KDM5D: variants seen among roughly 807,000 people sequenced by gnomAD.
KDM5D encodes lysine-specific demethylase 5D.
In KDM5D, 25 loss-of-function variants were observed where a neutral mutation model predicts 31.9. The ratio of observed to expected loss-of-function variants is 0.78; its 90% CI spans 0.57 to 1.09. The LOEUF (loss-of-function observed/expected upper bound fraction) is 1.09. Ranked by LOEUF, KDM5D falls within the 50% of genes least tolerant of loss-of-function variation. The probability of loss-of-function intolerance (pLI) is 0.00; values close to 1 mark genes in which losing one functional copy is unlikely to be tolerated. For missense variants in KDM5D, 366 were observed against 341.6 expected, an observed-to-expected ratio of 1.07 and a Z score of -0.56; for synonymous variants, 146 against 122.3, an observed-to-expected ratio of 1.19 and a Z score of -1.28.
intron 13 of KDM5D, among the ~76,000 whole-genome samples, chrY:19,719,632 T>A (rs2045378675): frequency 3.0e-5 from 1 of 33,133 alleles, no homozygotes; most frequent in Non-Finnish European, 7.4e-5. Context: ...GCAGAACAGT[T>A]GAAGCAAAAA....
chrY:19,735,089 A>C (rs2045498159), intron 8 of KDM5D, among the ~76,000 whole-genome samples: 3 of 33,049 alleles, frequency 9.1e-5, no homozygotes, highest in Non-Finnish European at 2.2e-4. Context: ...AAGCTGTAAA[A>C]GTTCAGAAAA....
chrY:19,726,803 G>C (rs970511586), intron 11 of KDM5D, among the ~76,000 whole-genome samples: 9 of 33,110 alleles, frequency 2.7e-4, no homozygotes. Context: ...CATGTGTTCA[G>C]TATGTTTTAT....
intron 18 of KDM5D, among the ~76,000 whole-genome samples, chrY:19,713,150 T>C (rs775616380): frequency 2.9e-5 from 1 of 33,919 alleles, no homozygotes; most frequent in South Asian, 6.5e-4. Flanking sequence ...CCCTGCCATG[T>C]ACCTTATACA....
At chrY:19,719,616 A>C in intron 13 of KDM5D, among the ~76,000 whole-genome samples, 1 of 33,547 alleles carries the variant, frequency 3.0e-5, no homozygotes, top group Non-Finnish European at 7.3e-5. Context: ...AAAGAGAAGG[A>C]AAAAGGCAGA....
At chrY:19,743,582 A>C in intron 2 of KDM5D, among the ~76,000 whole-genome samples, 8 of 32,779 alleles carry the variant, frequency 2.4e-4, no homozygotes, top group Non-Finnish European at 5.2e-4. Flanking sequence ...CCTTACTAAA[A>C]TGAAGATAAA....
Position 19,707,642 on chromosome Y carries a change from G to A in KDM5D, c.3504C>T (p.Ala1168=). Residue 1168 remains alanine (A), a synonymous_variant, in exon 24 of 27, where the codon GCC becomes GCT. Transcript: ENST00000317961. ...ACACACAGATAGAAGTCGGAGAAGAGGCCATGAGGGATGGTGCCAGTGGAC... is the reference window on the plus strand; with the variant it reads ...ACACACAGATAGAAGTCGGAGAAGAAGCCATGAGGGATGGTGCCAGTGGAC... The part of the protein sequence containing the change: ...KPSPLAPSLM[A]SSPTSICVCG... The A allele has an allele frequency of 2.5e-6, 1 of 397,548 alleles. No individual in the cohort carries two copies. Among genetic ancestry groups the A allele is most frequent in the Non-Finnish European group, 3.5e-6 (1 of 282,899 alleles).
chrY:19,743,817 G>A (rs2045577298), intron 2 of KDM5D, among the ~76,000 whole-genome samples: 1 of 34,050 alleles, frequency 2.9e-5, no homozygotes, highest in African/African-American at 1.1e-4. Context: ...GACAGCCCAG[G>A]CTTATTTCAG....
Position 19,708,243 on chromosome Y carries a change from C to T in KDM5D, c.3261+1G>A. 2.5e-6 allele frequency: 1 copy of T among 395,855 alleles called. No individual in the cohort carries two copies. Among genetic ancestry groups the T allele is most frequent in the Non-Finnish European group, 3.6e-6 (1 of 281,585 alleles). On this transcript the variant is annotated splice_donor_variant, in intron 22 of 26. Coordinates refer to ENST00000317961, the MANE Select transcript of KDM5D (RefSeq NM_004653.5). LOFTEE classifies it high-confidence loss of function. ...CTGTGGGTCAGGGTCTCAGACCTCA[C>T]CTCAAGCAGTGTGTAGCAAGAATTC...
intron 11 of KDM5D, among the ~76,000 whole-genome samples, chrY:19,726,139 C>A: frequency 1.8e-4 from 6 of 33,333 alleles, no homozygotes. Context: ...GACAATGTGG[C>A]GATTCCTCAA....
chrY:19,703,897 T>A lies in KDM5D; in HGVS notation c.*2098A>T. On this transcript the variant is annotated 3_prime_UTR_variant, in exon 27 of 27. Transcript: ENST00000317961. ...TGGTAAAGTTTTATTACAATTTTTT[T>A]AAACCAAGATTCAATTTTTTTCTGA... 2.9e-5 allele frequency: 1 copy of A among 34,378 alleles called. No individual in the cohort carries two copies. Among genetic ancestry groups the A allele is most frequent in the African/African-American group, 1.1e-4 (1 of 8,847 alleles). 8.6% of individuals were successfully genotyped at this position (34,378 alleles called of 400,897 possible). A position where few individuals can be genotyped will look rare whatever the true frequency, so the allele number is the denominator to read the frequency against.
Position 19,735,759 on chromosome Y carries a change from A to G in KDM5D, c.658-9T>C, listed in dbSNP as rs749449470. ...TCCTCTGTAGGCTCTGGCTGTTTTA[A>G]AAAAGATTCAAACAACGAAGTTAGC... On this transcript the variant is annotated splice_polypyrimidine_tract_variant and intron_variant, in intron 6 of 26. Coordinates refer to ENST00000317961, the MANE Select transcript of KDM5D (RefSeq NM_004653.5). The G allele has an allele frequency of 5.6e-6, 2 of 360,130 alleles. No homozygotes were observed. Among genetic ancestry groups the G allele is most frequent in the Non-Finnish European group, 4.0e-6 (1 of 248,483 alleles). 89.8% of individuals were successfully genotyped at this position (360,130 alleles called of 400,897 possible).
At chrY:19,734,048 T>C (rs781269425) in intron 8 of KDM5D, among the ~76,000 whole-genome samples, 3 of 33,418 alleles carry the variant, frequency 9.0e-5, no homozygotes. Context: ...AACAAAACTG[T>C]CAATTCTAAG....
intron 11 of KDM5D, among the ~76,000 whole-genome samples, chrY:19,727,936 T>TA (rs2045445264): frequency 3.6e-4 from 11 of 30,779 alleles, no homozygotes; most frequent in Non-Finnish European, 4.8e-4. Context: ...GCAAAAGAAT[T>TA]AAAAAAAAAT....
In KDM5D at chrY:19,704,349, T is replaced by C; in HGVS notation, c.*1646A>G. On this transcript the variant is annotated 3_prime_UTR_variant, in exon 27 of 27. Transcript: ENST00000317961. ...TTTATGGAAGAGGAGAAAAAAGAAATTTCGAAGACAATTCTCAGATTTAGA... is the reference window on the plus strand; with the variant it reads ...TTTATGGAAGAGGAGAAAAAAGAAACTTCGAAGACAATTCTCAGATTTAGA... 1 of 33,506 alleles carries C rather than the reference T, an allele frequency of 3.0e-5. No individual in the cohort carries two copies. Among genetic ancestry groups the C allele is most frequent in the Non-Finnish European group, 7.4e-5 (1 of 13,548 alleles). The allele number at this position is 33,506 out of a possible 400,897, so 8.4% of individuals were successfully genotyped here.
intron 11 of KDM5D, among the ~76,000 whole-genome samples, chrY:19,730,933 G>A (rs2045468680): frequency 3.0e-5 from 1 of 33,049 alleles, no homozygotes; most frequent in African/African-American, 1.2e-4. Flanking sequence ...ATAAAATAGC[G>A]CTTATCCAGA....
chrY:19,730,059 G>A (rs2045462031), intron 11 of KDM5D, among the ~76,000 whole-genome samples: 1 of 33,207 alleles, frequency 3.0e-5, no homozygotes, highest in Non-Finnish European at 7.4e-5. Flanking sequence ...AAAGATAAAT[G>A]AGATGTAATC....
intron 10 of KDM5D, 51 bp downstream of exon 10, chrY:19,731,995 A>C (rs2032672): frequency 5.8e-3 from 2,286 of 392,951 alleles, no homozygotes; most frequent in Middle Eastern, 0.05. Flanking sequence ...CTCCATGAGA[A>C]CTAAGACTAC....
chrY:19,704,421 G>T lies in KDM5D; in HGVS notation c.*1574C>A, dbSNP rs745944740. 1 of 33,374 alleles carries T rather than the reference G, an allele frequency of 3.0e-5. No individual in the cohort carries two copies. Among genetic ancestry groups the T allele is most frequent in the East Asian group, 8.0e-4 (1 of 1,252 alleles). 8.3% of individuals were successfully genotyped at this position (33,374 alleles called of 400,897 possible). ...ATATATTTTACCTGGTCCCTATGGT[G>T]TGGTAAGGTAAAGTACACTGTACTT... On this transcript the variant is annotated 3_prime_UTR_variant, in exon 27 of 27. Transcript: ENST00000317961.
Position 19,741,748 on chromosome Y carries a change from T to C in KDM5D, c.338A>G (p.Tyr113Cys). 2 of 393,914 alleles carry C rather than the reference T, an allele frequency of 5.1e-6. No individual in the cohort carries two copies. Among genetic ancestry groups the C allele is most frequent in the Non-Finnish European group, 7.2e-6 (2 of 279,221 alleles). ...GACTACTCTTACCTTACTAAGGCTG[T>C]AGAGGTCCAAGATCTTCCGCTCCAC... ...PNVERKILDL[Y>C]SLSKIVIEEG... Residue 113 changes from tyrosine to cysteine, a missense_variant, in exon 4 of 27, where the codon TAC becomes TGC. Tyr to Cys is a radical substitution (Grantham distance 194). Coordinates refer to ENST00000317961, the MANE Select transcript of KDM5D (RefSeq NM_004653.5).
Sources: allele counts gnomAD v4.1 joint callset (sites outside exome capture counted in the v4.1 genomes callset), GRCh38; gene constraint gnomAD v4.1.1; transcripts MANE v1.5; gene names NCBI Gene and HGNC (gene_info 2026-07-23, HGNC 2026-07-21).